Variants in PDE11A observed in about 807,000 individuals in gnomAD.
PDE11A encodes dual 3',5'-cyclic-AMP and -GMP phosphodiesterase 11A.
PDE11A carries 100 observed loss-of-function variants against 100.5 expected under a neutral mutation model. The observed-to-expected ratio is 1.00, with a 90% CI of 0.85 to 1.18. The LOEUF is 1.18. Ranked by LOEUF, PDE11A falls within the 50% of genes most tolerant of loss-of-function variation. The probability of loss-of-function intolerance (pLI) is 0.00; values close to 1 mark genes in which losing one functional copy is unlikely to be tolerated. For synonymous variants in PDE11A, 381 were observed against 420.8 expected (o/e 0.91, Z 1.16); for missense variants, 1,141 against 1,152.6 (o/e 0.99, Z 0.15).
chr2:177,689,494 G>A (rs546633359), intron 15 of PDE11A, among the ~76,000 whole-genome samples: 6 of 152,204 alleles, frequency 3.9e-5, no homozygotes, highest in Non-Finnish European at 7.4e-5. Flanking sequence ...TGCTCAACAG[G>A]CAAATCATAC....
intron 15 of PDE11A, among the ~76,000 whole-genome samples, chr2:177,681,429 C>T (rs1333928182): frequency 3.3e-5 from 5 of 152,096 alleles, no homozygotes; most frequent in Non-Finnish European, 7.4e-5. Flanking sequence ...CTGAAAGTAA[C>T]GGTGTTTAAA....
Position 178,043,814 on chromosome 2 carries a change from A to G in PDE11A, c.912+27712T>C, listed in dbSNP as rs555492096. On this transcript the variant is annotated intron_variant, in intron 1 of 19. Transcript: ENST00000286063. ...AACTGAAGCTAAGAGAAGATCAGTA[A>G]CTTATCTCATGTTAAGTAATTTACC... Among the ~76,000 whole-genome samples the G allele has an allele frequency of 3.9e-5, 6 of 152,320 alleles. No individual in the cohort carries two copies. In the East Asian group the frequency reaches 9.6e-4, roughly 24 times the overall value.
At chr2:177,678,807 G>C (rs1250079894) in intron 16 of PDE11A, among the ~76,000 whole-genome samples, 2 of 152,106 alleles carry the variant, frequency 1.3e-5, no homozygotes, top group Admixed American at 6.6e-5. Context: ...AAAATATCTA[G>C]GCAGAGAAAC....
intron 4 of PDE11A, among the ~76,000 whole-genome samples, chr2:177,880,269 T>C (rs2084308864): frequency 6.6e-6 from 1 of 152,140 alleles, no homozygotes; most frequent in South Asian, 2.1e-4. Context: ...AACAATATGA[T>C]TTGGGTGGGA....
intron 2 of PDE11A, among the ~76,000 whole-genome samples, chr2:178,013,262 G>C (rs17636214): frequency 2.6e-5 from 4 of 152,036 alleles, no homozygotes; most frequent in Non-Finnish European, 5.9e-5. Flanking sequence ...GTGCCTCTTA[G>C]GATCCCAATA....
chr2:177,644,088 G>T (rs183215935), intron 19 of PDE11A, among the ~76,000 whole-genome samples: 11 of 152,168 alleles, frequency 7.2e-5, no homozygotes, highest in Admixed American at 2.6e-4. Context: ...GAGGGAATGT[G>T]GGGGGGAGCC....
intron 9 of PDE11A, among the ~76,000 whole-genome samples, chr2:177,771,220 A>G (rs2082306854): frequency 6.6e-6 from 1 of 152,254 alleles, no homozygotes; most frequent in South Asian, 2.1e-4. Context: ...CACAGTGCAT[A>G]TTTGGCTGCA....
At chr2:178,043,997 G>C (rs2086714465) in intron 1 of PDE11A, among the ~76,000 whole-genome samples, 1 of 152,162 alleles carries the variant, frequency 6.6e-6, no homozygotes, top group Non-Finnish European at 1.5e-5. Flanking sequence ...AAACTTGTCA[G>C]TGGTACAAAC....
chr2:177,847,990 T>TTG (rs749800668), intron 5 of PDE11A, among the ~76,000 whole-genome samples: 6,441 of 147,844 alleles, frequency 0.044, 183 homozygotes, highest in Non-Finnish European at 0.053. Context: ...AATGGTGTGT[T>TTG]TGTGTGTGTG....
At chr2:177,890,196 T>A (rs567397999) in intron 4 of PDE11A, among the ~76,000 whole-genome samples, 72 of 152,358 alleles carry the variant, frequency 4.7e-4, no homozygotes, top group African/African-American at 1.7e-3. Flanking sequence ...TATCTTCATC[T>A]GGCCAAGATA....
chr2:177,750,004 C>T (rs1021600599), intron 10 of PDE11A, among the ~76,000 whole-genome samples: 1 of 152,218 alleles, frequency 6.6e-6, no homozygotes, highest in African/African-American at 2.4e-5. Context: ...ATAATCTCAG[C>T]TGCACATAAG....
At chr2:177,733,749 C>G (rs917302205) in intron 10 of PDE11A, among the ~76,000 whole-genome samples, 63 of 152,168 alleles carry the variant, frequency 4.1e-4, no homozygotes, top group Admixed American at 4.1e-3. Context: ...GTGGAAGGGA[C>G]AGCAAAGTTC....
chr2:177,826,449 T>C (rs1407777402), intron 6 of PDE11A, among the ~76,000 whole-genome samples: 1 of 152,206 alleles, frequency 6.6e-6, no homozygotes, highest in Non-Finnish European at 1.5e-5. Context: ...TGGTGAGAAA[T>C]TCTAGTAACC....
intron 1 of PDE11A, among the ~76,000 whole-genome samples, chr2:178,036,132 C>A (rs115255375): frequency 6.6e-6 from 1 of 152,184 alleles, no homozygotes; most frequent in Admixed American, 6.5e-5. Flanking sequence ...ACCCCATTGT[C>A]TAAGCTCCAA....
chr2:177,994,177 C>A (rs911489393), intron 2 of PDE11A, among the ~76,000 whole-genome samples: 1 of 152,034 alleles, frequency 6.6e-6, no homozygotes, highest in Non-Finnish European at 1.5e-5. Context: ...GTGATCCATC[C>A]GCCTCTGCCT....
intron 10 of PDE11A, among the ~76,000 whole-genome samples, chr2:177,741,630 G>A (rs773004546): frequency 2.6e-5 from 4 of 152,144 alleles, no homozygotes; most frequent in Admixed American, 6.5e-5. Context: ...CTTAGAGAAC[G>A]CAACCTAGAA....
chr2:178,054,644 A>G (rs1437900829), intron 1 of PDE11A, among the ~76,000 whole-genome samples: 11 of 152,216 alleles, frequency 7.2e-5, no homozygotes, highest in African/African-American at 2.7e-4. Flanking sequence ...ACTTAAACAA[A>G]TTTATAAGAA....
intron 2 of PDE11A, among the ~76,000 whole-genome samples, chr2:177,921,477 A>G (rs1266019686): frequency 6.7e-6 from 1 of 149,782 alleles, no homozygotes; most frequent in Non-Finnish European, 1.5e-5. Flanking sequence ...AAAGCAAAAA[A>G]AAAAAAAGAA....
At chr2:177,808,006 G>A (rs1167726035) in intron 9 of PDE11A, among the ~76,000 whole-genome samples, 2 of 152,108 alleles carry the variant, frequency 1.3e-5, no homozygotes, top group East Asian at 3.9e-4. Context: ...TGAAATTTGA[G>A]GTTTGTTAGA....
Sources: gnomAD v4.1 joint callset for allele counts (sites outside exome capture counted in the v4.1 genomes callset) on GRCh38, gnomAD v4.1.1 for gene constraint, MANE v1.5 for transcripts, NCBI Gene and HGNC (gene_info 2026-07-23, HGNC 2026-07-21) for gene names.